Variants in PCDH11X observed in about 807,000 individuals in gnomAD.
PCDH11X encodes the protein protocadherin 11 X-linked.
PCDH11X carries 18 observed loss-of-function variants against 53.3 expected under a neutral mutation model. The observed-to-expected ratio is 0.34, with a 90% CI of 0.23 to 0.50. The LOEUF (loss-of-function observed/expected upper bound fraction) is 0.50. PCDH11X is among the 20% of genes least tolerant of loss of function. PCDH11X has a pLI of 0.98. For missense variants in PCDH11X, 570 were observed against 1,032.4 expected (o/e 0.55, Z 6.14); for synonymous variants, 279 against 393.3 (o/e 0.71, Z 3.44).
intron 6 of PCDH11X, among the ~76,000 whole-genome samples, chrX:92,191,918 A>G (rs1010520062): frequency 2.7e-5 from 3 of 111,986 alleles, no homozygotes; most frequent in Non-Finnish European, 5.6e-5. Context: ...CTCCCAGAAC[A>G]GATTTCTCAG....
chrX:92,006,084 C>A (rs2147970915), intron 6 of PCDH11X, among the ~76,000 whole-genome samples: 1 of 110,056 alleles, frequency 9.1e-6, no homozygotes, highest in South Asian at 3.9e-4. Flanking sequence ...CTTGAGGTAA[C>A]CTTCTCCAGG....
At chrX:92,130,201 TTC>T (rs974392449) in intron 6 of PCDH11X, among the ~76,000 whole-genome samples, 20 of 111,318 alleles carry the variant, frequency 1.8e-4, no homozygotes, top group African/African-American at 6.2e-4. Context: ...AATTCTTGCT[TTC>T]TGTTATTATT....
chrX:92,132,505 G>A (rs1393015015), intron 6 of PCDH11X, among the ~76,000 whole-genome samples: 1 of 102,552 alleles, frequency 9.8e-6, no homozygotes, highest in Admixed American at 1.1e-4. Flanking sequence ...CTACTTGGGA[G>A]GCTGAGGCAG....
intron 5 of PCDH11X, among the ~76,000 whole-genome samples, chrX:91,857,497 A>G (rs1938418604): frequency 8.9e-6 from 1 of 111,835 alleles, no homozygotes; most frequent in Admixed American, 9.5e-5. Flanking sequence ...CCAAAGTCTC[A>G]GGTGAGATAA....
At chrX:92,608,308 T>C (rs1602439195) in intron 10 of PCDH11X, among the ~76,000 whole-genome samples, 1 of 101,015 alleles carries the variant, frequency 9.9e-6, no homozygotes, top group African/African-American at 3.8e-5. Context: ...GTTAAGAAAA[T>C]AGTGAAGATT....
intron 6 of PCDH11X, among the ~76,000 whole-genome samples, chrX:92,020,631 C>T (rs1377599690): frequency 1.8e-5 from 2 of 110,681 alleles, no homozygotes; most frequent in African/African-American, 6.7e-5. Context: ...TCTGAGAAAT[C>T]TGGGCAGCCC....
intron 6 of PCDH11X, among the ~76,000 whole-genome samples, chrX:92,098,194 G>A (rs2759981): frequency 0.082 from 9,089 of 110,264 alleles, 977 homozygotes; most frequent in African/African-American, 0.29. Flanking sequence ...TCTTGCACCA[G>A]TGTTTCCTGG....
rs190083698 is a variant in PCDH11X at position 91,876,286 on chromosome X, C to T, written c.541-495C>T. Among the ~76,000 whole-genome samples the T allele has an allele frequency of 5.5e-5, 6 of 109,437 alleles. No homozygotes were observed. The East Asian group carries it at 1.7e-3, about 31-fold the overall frequency. Reference sequence around the variant, plus strand: ...GTGTATATTGCTCCAGTGATGGGTGCACCAAAATCTCACAAATCACCACTA... The same window carrying T: ...GTGTATATTGCTCCAGTGATGGGTGTACCAAAATCTCACAAATCACCACTA... On this transcript the variant is annotated intron_variant, in intron 5 of 10. Transcript: ENST00000682573.
At chrX:91,808,410 G>T (rs1413665710) in intron 1 of PCDH11X, among the ~76,000 whole-genome samples, 3 of 109,240 alleles carry the variant, frequency 2.7e-5, no homozygotes, top group African/African-American at 1.0e-4. Context: ...CAGGACAATT[G>T]CTTGAACCCG....
At chrX:92,461,038 A>G (rs1186541575) in intron 9 of PCDH11X, 2 of 497,018 alleles carry the variant, frequency 4.0e-6, no homozygotes, top group Admixed American at 3.7e-5. Flanking sequence ...AACAATGAAA[A>G]CTATAAAACA....
chrX:92,221,223 TAAATAAA>T (rs2066866696), intron 7 of PCDH11X, among the ~76,000 whole-genome samples: 1 of 9,516 alleles, frequency 1.1e-4, no homozygotes, highest in African/African-American at 3.4e-4. Flanking sequence ...TAAATAAAAA[TAAATAAA>T]AATGAAAAAT....
chrX:91,787,885 C>T (rs1285882463), intron 1 of PCDH11X, among the ~76,000 whole-genome samples: 1 of 110,473 alleles, frequency 9.1e-6, no homozygotes, highest in Admixed American at 9.7e-5. Context: ...AAATTGAATT[C>T]AACAAATATT....
intron 6 of PCDH11X, among the ~76,000 whole-genome samples, chrX:92,071,085 A>G (rs2984797): frequency 0.28 from 29,485 of 107,151 alleles, 5,216 homozygotes; most frequent in African/African-American, 0.6. Context: ...GATTACAGGC[A>G]TGAGCCACTG....
chrX:92,125,602 A>C, intron 6 of PCDH11X, among the ~76,000 whole-genome samples: 1 of 111,061 alleles, frequency 9.0e-6, no homozygotes, highest in Middle Eastern at 4.6e-3. Flanking sequence ...GATGTTACTA[A>C]TATTTATAGG....
At chrX:92,240,917 T>C (rs1170020050) in intron 7 of PCDH11X, among the ~76,000 whole-genome samples, 1 of 111,025 alleles carries the variant, frequency 9.0e-6, no homozygotes, top group Non-Finnish European at 1.9e-5. Flanking sequence ...TCTCTATGTC[T>C]GACAATCACA....
intron 6 of PCDH11X, among the ~76,000 whole-genome samples, chrX:92,161,170 A>G (rs2065635667): frequency 9.0e-6 from 1 of 111,568 alleles, no homozygotes. Flanking sequence ...TGTGTTTCAA[A>G]ATTGATAGCT....
At position 92,623,124 on chromosome X, in the gene PCDH11X, A is replaced by G. The variant is rs1164297250; in HGVS notation, c.*4184A>G. The G allele has an allele frequency of 9.1e-6, 1 of 110,478 alleles. No homozygotes were observed. The highest frequency in any genetic ancestry group is 3.3e-5 in the African/African-American group (1 of 30,413). 9.1% of individuals were successfully genotyped at this position (110,478 alleles called of 1,213,427 possible). On this transcript the variant is annotated 3_prime_UTR_variant, in exon 11 of 11. Coordinates refer to ENST00000682573, the MANE Select transcript of PCDH11X (RefSeq NM_032968.5). ...AAGGTTGACTATTGTATGGCCAAGG[A>G]TGGCAGTATGTAATCCAGAAGCAAA...
chrX:92,419,271 T>C (rs1321762381), intron 9 of PCDH11X, among the ~76,000 whole-genome samples: 4 of 81,467 alleles, frequency 4.9e-5, no homozygotes, highest in African/African-American at 9.0e-5. Context: ...TCTGTTTTTT[T>C]GTTCTTTTTT....
intron 8 of PCDH11X, among the ~76,000 whole-genome samples, chrX:92,331,279 T>TTTC (rs757045963): frequency 0.09 from 4,772 of 53,184 alleles, 386 homozygotes; most frequent in East Asian, 0.2. Context: ...CCTCCTCCTC[T>TTTC]TTCTTCTTCT....
Sources: allele counts gnomAD v4.1 joint callset (sites outside exome capture counted in the v4.1 genomes callset), GRCh38; gene constraint gnomAD v4.1.1; transcripts MANE v1.5; gene names NCBI Gene and HGNC (gene_info 2026-07-23, HGNC 2026-07-21).